Variants in LRCH1 observed in about 807,000 individuals in gnomAD.
LRCH1 encodes leucine rich repeats and calponin homology domain containing 1.
A neutral mutation model predicts 94.9 loss-of-function variants in LRCH1; 23 were observed. The observed-to-expected ratio is 0.24, with a 90% CI of 0.17 to 0.34. LRCH1 has a LOEUF of 0.34. Among genes scored for constraint, LRCH1 ranks in the 10% least tolerant of loss-of-function variants. LRCH1 has a pLI of 1.00. For synonymous variants in LRCH1, 364 were observed against 354.9 expected, an observed-to-expected ratio of 1.03 and a Z score of -0.29; for missense variants, 790 against 945.9, an observed-to-expected ratio of 0.84 and a Z score of 2.16.
At chr13:46,696,169 C>T (rs1333561887) in intron 9 of LRCH1, among the ~76,000 whole-genome samples, 1 of 150,944 alleles carries the variant, frequency 6.6e-6, no homozygotes, top group Non-Finnish European at 1.5e-5. Flanking sequence ...CCCAATGCTG[C>T]ACCCGCGTGC....
At chr13:46,686,192 T>C (rs942698888) in intron 5 of LRCH1, 151 bp downstream of exon 5, 1 of 745,776 alleles carries the variant, frequency 1.3e-6, no homozygotes, top group African/African-American at 1.8e-5. Context: ...TCAAAATTTA[T>C]TAACATGTAC....
chr13:46,679,626 T>G (rs2051723889), intron 3 of LRCH1, among the ~76,000 whole-genome samples: 1 of 152,198 alleles, frequency 6.6e-6, no homozygotes, highest in South Asian at 2.1e-4. Context: ...TTCTCAAACT[T>G]GTGTGTGACT....
At chr13:46,682,912 TA>T (rs1566222874) in intron 4 of LRCH1, among the ~76,000 whole-genome samples, 1 of 152,160 alleles carries the variant, frequency 6.6e-6, no homozygotes, top group East Asian at 1.9e-4. Context: ...AGCAGCCTCA[TA>T]GGGGGTAGTG....
chr13:46,653,437 C>T (rs976239876), intron 2 of LRCH1, among the ~76,000 whole-genome samples: 3 of 152,130 alleles, frequency 2.0e-5, no homozygotes, highest in Non-Finnish European at 2.9e-5. Flanking sequence ...GTGTAGCTAT[C>T]CTCTAAAGTT....
chr13:46,651,698 A>G (rs2051301861), intron 2 of LRCH1, among the ~76,000 whole-genome samples: 2 of 131,442 alleles, frequency 1.5e-5, no homozygotes, highest in African/African-American at 2.7e-5. Flanking sequence ...ATTTCTGTAG[A>G]AGTGCTTTTT....
At chr13:46,614,190 T>C (rs2050779553) in intron 1 of LRCH1, among the ~76,000 whole-genome samples, 2 of 152,210 alleles carry the variant, frequency 1.3e-5, no homozygotes. Flanking sequence ...TTAACGACAA[T>C]ACTTGTGTGG....
chr13:46,670,271 T>G (rs911808368), intron 3 of LRCH1, among the ~76,000 whole-genome samples: 2 of 152,230 alleles, frequency 1.3e-5, no homozygotes, highest in Non-Finnish European at 2.9e-5. Context: ...AAGTCAGCGT[T>G]GGTTAGAGGA....
intron 1 of LRCH1, among the ~76,000 whole-genome samples, chr13:46,588,683 C>T (rs929608048): frequency 6.6e-6 from 1 of 151,592 alleles, no homozygotes; most frequent in South Asian, 2.1e-4. Flanking sequence ...TCACTGCAAC[C>T]CCCGCCTCTC....
At chr13:46,727,924 T>TCTTTCTTTC (rs1555288187) in intron 17 of LRCH1, among the ~76,000 whole-genome samples, 1 of 146,726 alleles carries the variant, frequency 6.8e-6, no homozygotes, top group African/African-American at 2.5e-5. Context: ...TTTCTTTCTT[T>TCTTTCTTTC]TTTTTTTTTT....
At chr13:46,688,328 T>C (rs1173647139) in intron 6 of LRCH1, among the ~76,000 whole-genome samples, 1 of 152,214 alleles carries the variant, frequency 6.6e-6, no homozygotes, top group Non-Finnish European at 1.5e-5. Flanking sequence ...ATAACTATAT[T>C]GAGCCCAGAC....
chr13:46,696,195 TACACACACACACACAC>T (rs10553999), intron 9 of LRCH1, among the ~76,000 whole-genome samples: 38 of 147,202 alleles, frequency 2.6e-4, no homozygotes, highest in African/African-American at 5.9e-4. Context: ...TGCATGTGTG[TACACACACACACACAC>T]ACACACACAC....
At chr13:46,576,052 G>A (rs1422001850) in intron 1 of LRCH1, among the ~76,000 whole-genome samples, 5 of 152,190 alleles carry the variant, frequency 3.3e-5, no homozygotes, top group African/African-American at 4.8e-5. Flanking sequence ...CTGGACAAAC[G>A]TTGGAATTAG....
At chr13:46,622,277 G>C (rs953959252) in intron 1 of LRCH1, among the ~76,000 whole-genome samples, 2 of 151,378 alleles carry the variant, frequency 1.3e-5, no homozygotes, top group Non-Finnish European at 2.9e-5. Context: ...CTGGTTAATA[G>C]AGTATACCAT....
intron 1 of LRCH1, among the ~76,000 whole-genome samples, chr13:46,641,645 T>A (rs2051158971): frequency 6.6e-6 from 1 of 152,164 alleles, no homozygotes; most frequent in Non-Finnish European, 1.5e-5. Flanking sequence ...TTCCCAGCTG[T>A]CCTGGTCTGT....
At chr13:46,568,998 T>C (rs2050214171) in intron 1 of LRCH1, among the ~76,000 whole-genome samples, 1 of 152,246 alleles carries the variant, frequency 6.6e-6, no homozygotes, top group Non-Finnish European at 1.5e-5. Context: ...TAACTGAGGC[T>C]TTATTGCTAA....
At chr13:46,687,599 T>G (rs1489269473) in intron 5 of LRCH1, among the ~76,000 whole-genome samples, 2 of 152,208 alleles carry the variant, frequency 1.3e-5, no homozygotes, top group Admixed American at 6.5e-5. Flanking sequence ...AATACATTTT[T>G]GTTAGAGTTT....
chr13:46,553,588 G>A lies in LRCH1; in HGVS notation c.192G>A (p.Glu64=). Residue 64 remains glutamate (E), a synonymous_variant, in exon 1 of 20, where the codon GAG becomes GAA. Transcript: ENST00000389797. ...ACCTGCCCTTGAACCGGGGTCTGGA[G>A]CGCGCGCTTGAGGAGGCGGCCAACT... ...GFNLPLNRGL[E]RALEEAANSG... 1 of 1,555,430 alleles carries A rather than the reference G, an allele frequency of 6.4e-7. No individual in the cohort carries two copies. Among genetic ancestry groups the A allele is most frequent in the Non-Finnish European group, 8.7e-7 (1 of 1,150,158 alleles).
At chr13:46,583,257 G>T (rs949529377) in intron 1 of LRCH1, among the ~76,000 whole-genome samples, 4 of 152,106 alleles carry the variant, frequency 2.6e-5, no homozygotes, top group Non-Finnish European at 4.4e-5. Flanking sequence ...CCTCATTCAG[G>T]CATGCTGAAA....
At chr13:46,662,607 A>G (rs1593334215) in intron 2 of LRCH1, among the ~76,000 whole-genome samples, 1 of 152,338 alleles carries the variant, frequency 6.6e-6, no homozygotes, top group East Asian at 1.9e-4. Context: ...AGAAGAAAGG[A>G]GAGAAAATAA....
Sources: gnomAD v4.1 joint callset for allele counts (sites outside exome capture counted in the v4.1 genomes callset) on GRCh38, gnomAD v4.1.1 for gene constraint, MANE v1.5 for transcripts, NCBI Gene and HGNC (gene_info 2026-07-23, HGNC 2026-07-21) for gene names.